ARHGAP29: variants seen among roughly 807,000 people sequenced by gnomAD.
ARHGAP29 encodes Rho GTPase activating protein 29.
ARHGAP29 carries 43 observed loss-of-function variants against 122.6 expected under a neutral mutation model. The ratio of observed to expected loss-of-function variants is 0.35; its 90% CI spans 0.27 to 0.45. The LOEUF is 0.45. Ranked by LOEUF, ARHGAP29 falls within the 20% of genes least tolerant of loss-of-function variation. ARHGAP29 has a pLI of 1.00. For missense variants in ARHGAP29, 1,303 were observed against 1,477.2 expected (o/e 0.88, Z 1.93); for synonymous variants, 506 against 497.1 (o/e 1.02, Z -0.24).
chr1:94,305,892 G>C, the ARHGAP29 span, among the ~76,000 whole-genome samples: 6 of 152,198 alleles, frequency 3.9e-5, no homozygotes, highest in Non-Finnish European at 1.5e-5. Flanking sequence ...GAGCAGAGCA[G>C]TTGAATGTGA....
rs1648628161 is a variant in ARHGAP29, at chr1:94,170,068, C to T, written c.*3801G>A. Among the ~76,000 whole-genome samples, 2 of 152,304 alleles carry T rather than the reference C, an allele frequency of 1.3e-5. No individual in the cohort carries two copies. The highest frequency in any genetic ancestry group is 3.4e-3 in the Middle Eastern group (1 of 294). On this transcript the variant is annotated 3_prime_UTR_variant, in exon 23 of 23. Transcript: ENST00000260526. ...TTGACAACCAAAATAGTAATTGGTT[C>T]AGTCAAGAATTGTCAATAGACTAGC...
chr1:94,249,916 T>C (rs1186376562), intron 1 of ARHGAP29, among the ~76,000 whole-genome samples: 2 of 152,128 alleles, frequency 1.3e-5, no homozygotes, highest in East Asian at 1.9e-4. Context: ...CTGTATCTAA[T>C]ACAGAATGGG....
At chr1:94,220,443 C>T (rs755201566) in intron 2 of ARHGAP29, 51 bp from the exon 3 acceptor site, 435 of 1,471,204 alleles carry the variant, frequency 3.0e-4, no homozygotes, top group Non-Finnish European at 3.9e-4. Flanking sequence ...TTCCACAAAT[C>T]TAAACTACAA....
intron 1 of ARHGAP29, among the ~76,000 whole-genome samples, chr1:94,251,297 G>A (rs574913434): frequency 3.6e-4 from 54 of 151,786 alleles, no homozygotes; most frequent in Admixed American, 8.5e-4. Flanking sequence ...CAGCCTCCCA[G>A]TAGCTGGGAC....
intron 1 of ARHGAP29, among the ~76,000 whole-genome samples, chr1:94,257,503 T>A (rs1654405151): frequency 6.6e-6 from 1 of 152,062 alleles, no homozygotes; most frequent in Non-Finnish European, 1.5e-5. Flanking sequence ...AACCCAGGAT[T>A]TTGAGACCAG....
intron 3 of ARHGAP29, among the ~76,000 whole-genome samples, chr1:94,215,879 C>G (rs1419552835): frequency 6.6e-6 from 1 of 151,976 alleles, no homozygotes; most frequent in East Asian, 1.9e-4. Flanking sequence ...GACCTACCAG[C>G]AAAAGAAAAG....
chr1:94,185,598 G>C, intron 16 of ARHGAP29, 117 bp from the exon 17 acceptor site: 1 of 912,476 alleles, frequency 1.1e-6, no homozygotes, highest in Non-Finnish European at 1.5e-6. Flanking sequence ...AAAAAGCTTT[G>C]AATCTCTAAT....
the ARHGAP29 span, among the ~76,000 whole-genome samples, chr1:94,291,645 T>C: frequency 5.3e-5 from 8 of 152,216 alleles, no homozygotes; most frequent in Admixed American, 6.5e-5. Flanking sequence ...AAGGCAGGCC[T>C]GGTGATGACA....
At chr1:94,278,184 T>C (rs922365754), upstream of ARHGAP29, among the ~76,000 whole-genome samples, 1 of 152,068 alleles carries the variant, frequency 6.6e-6, no homozygotes, top group African/African-American at 2.4e-5. Context: ...CTAAGTGTGG[T>C]GGCACACAGT....
intron 1 of ARHGAP29, among the ~76,000 whole-genome samples, chr1:94,262,404 A>C (rs1284474260): frequency 6.6e-6 from 1 of 152,186 alleles, no homozygotes; most frequent in Non-Finnish European, 1.5e-5. Flanking sequence ...AAACTTGACA[A>C]ATGGAAATTA....
chr1:94,240,694 C>G (rs984946017), upstream of ARHGAP29, among the ~76,000 whole-genome samples: 1 of 152,124 alleles, frequency 6.6e-6, no homozygotes, highest in African/African-American at 2.4e-5. Context: ...ACTATTGCCT[C>G]TAGTATTTTT....
chr1:94,195,890 T>A (rs1650420595), intron 12 of ARHGAP29: 1 of 152,058 alleles, frequency 6.6e-6, no homozygotes, highest in African/African-American at 2.4e-5. Context: ...AGCAAGGGAA[T>A]TTATCAGTAT....
At chr1:94,244,725 T>C (rs1653725894) in intron 1 of ARHGAP29, among the ~76,000 whole-genome samples, 1 of 152,120 alleles carries the variant, frequency 6.6e-6, no homozygotes, top group South Asian at 2.1e-4. Context: ...ACAAAGTTAA[T>C]ACACTATAAT....
chr1:94,286,485 T>C, the ARHGAP29 span, among the ~76,000 whole-genome samples: 2 of 152,054 alleles, frequency 1.3e-5, no homozygotes, highest in Non-Finnish European at 2.9e-5. Context: ...CTGGGCAACA[T>C]GGTAAAACCC....
chr1:94,264,231 A>G lies in ARHGAP29; in HGVS notation c.-33+10781T>C, dbSNP rs1399516817. 2.6e-5 allele frequency among the ~76,000 whole-genome samples: 4 copies of G among 152,306 alleles called. No homozygotes were observed. In the East Asian group the frequency reaches 7.7e-4, roughly 29 times the overall value. ...CCTTGATTTCTTTCTTCCATGATTT[A>G]GCACAATTCTCACTGAGCCTCAGGA... is the stretch of plus-strand genomic sequence containing the variant. On this transcript the variant is annotated intron_variant and NMD_transcript_variant, in intron 1 of 25. Coordinates refer to the ARHGAP29 transcript ENST00000552844.
chr1:94,233,907 T>C (rs1320536791), intron 1 of ARHGAP29, among the ~76,000 whole-genome samples: 2 of 152,158 alleles, frequency 1.3e-5, no homozygotes, highest in Non-Finnish European at 2.9e-5. Flanking sequence ...GACCCTACAG[T>C]TTGAAAAACA....
the ARHGAP29 span, among the ~76,000 whole-genome samples, chr1:94,307,686 A>G: frequency 6.6e-6 from 1 of 152,250 alleles, no homozygotes; most frequent in African/African-American, 2.4e-5. Context: ...GAGAAAGGAT[A>G]GGATATTTAA....
At chr1:94,183,414 G>A (rs1570493613) in intron 19 of ARHGAP29, among the ~76,000 whole-genome samples, 3 of 152,070 alleles carry the variant, frequency 2.0e-5, no homozygotes, top group Admixed American at 2.0e-4. Context: ...GCTGCTGCTT[G>A]ATGCTACTAG....
At position 94,235,465 on chromosome 1, in the gene ARHGAP29, G is replaced by A. The variant is rs1653197909; in HGVS notation, c.-33+1950C>T. On this transcript the variant is annotated intron_variant, in intron 1 of 22. Transcript: ENST00000260526. The stretch of plus-strand genomic sequence containing the variant: ...TCATAAAGATGAACCATAAAGAAAA[G>A]TCATTATTACTAGCAGTGCTTTATT... Among the ~76,000 whole-genome samples, 3 of 152,162 alleles carry A rather than the reference G, an allele frequency of 2.0e-5. No individual in the cohort carries two copies. The South Asian group carries it at 6.2e-4, about 32-fold the overall frequency.
Sources: gnomAD v4.1 joint callset for allele counts (sites outside exome capture counted in the v4.1 genomes callset) on GRCh38, gnomAD v4.1.1 for gene constraint, MANE v1.5 for transcripts, NCBI Gene and HGNC (gene_info 2026-07-23, HGNC 2026-07-21) for gene names.